Variants in TMEM132D observed in about 807,000 individuals in gnomAD.
TMEM132D encodes transmembrane protein 132D, also known as mature OL transmembrane protein.
TMEM132D carries 21 observed loss-of-function variants against 62.3 expected under a neutral mutation model. The ratio of observed to expected loss-of-function variants is 0.34; its 90% confidence interval spans 0.24 to 0.49. TMEM132D has a LOEUF of 0.49. Ranked by LOEUF, TMEM132D falls within the 20% of genes least tolerant of loss-of-function variation. The pLI, the probability that TMEM132D is intolerant of heterozygous loss-of-function variation, is 0.99. For synonymous variants in TMEM132D, 621 were observed against 575.6 expected (o/e 1.08, Z -1.13); for missense variants, 1,346 against 1,402.8 (o/e 0.96, Z 0.65).
At chr12:129,834,242 T>C (rs1872933366) in intron 1 of TMEM132D, among the ~76,000 whole-genome samples, 1 of 152,018 alleles carries the variant, frequency 6.6e-6, no homozygotes, top group African/African-American at 2.4e-5. Flanking sequence ...CTCCTCCAAG[T>C]ATGCACTTAC....
At chr12:129,744,582 G>A (rs148494156) in intron 1 of TMEM132D, among the ~76,000 whole-genome samples, 253 of 152,230 alleles carry the variant, frequency 1.7e-3, no homozygotes, top group African/African-American at 5.8e-3. Context: ...TACAGGGCTG[G>A]GACTAGGGTG....
intron 3 of TMEM132D, among the ~76,000 whole-genome samples, chr12:129,451,157 C>T (rs996322184): frequency 2.7e-5 from 4 of 150,450 alleles, no homozygotes; most frequent in Non-Finnish European, 5.9e-5. Flanking sequence ...GTGCTGCCCT[C>T]TCAGAAATGC....
At chr12:129,881,249 T>C (rs1347519796) in intron 1 of TMEM132D, among the ~76,000 whole-genome samples, 4 of 151,948 alleles carry the variant, frequency 2.6e-5, no homozygotes, top group African/African-American at 9.7e-5. Flanking sequence ...AAAAAATCCA[T>C]AACTATTAGA....
At chr12:129,188,581 C>T (rs1253193762) in intron 5 of TMEM132D, among the ~76,000 whole-genome samples, 1 of 152,152 alleles carries the variant, frequency 6.6e-6, no homozygotes, top group Non-Finnish European at 1.5e-5. Context: ...CAACTAGGGA[C>T]AGTTTTGGTC....
At chr12:129,358,953 A>C (rs1342380312) in intron 3 of TMEM132D, among the ~76,000 whole-genome samples, 3 of 102,284 alleles carry the variant, frequency 2.9e-5, no homozygotes, top group African/African-American at 1.2e-4. Flanking sequence ...AAGAAATTTC[A>C]AGCTTTTTTT....
chr12:129,642,985 C>T (rs1879678864), intron 2 of TMEM132D, among the ~76,000 whole-genome samples: 1 of 136,312 alleles, frequency 7.3e-6, no homozygotes, highest in Non-Finnish European at 1.5e-5. Flanking sequence ...AGAGCAATGG[C>T]ACAATCTCGG....
rs2137227174 is a variant in TMEM132D at position 129,700,410 on chromosome 12, A to T, written c.368T>A (p.Phe123Tyr). The T allele has an allele frequency of 6.2e-7, 1 of 1,614,098 alleles. No individual in the cohort carries two copies. Among genetic ancestry groups the T allele is most frequent in the East Asian group, 2.2e-5 (1 of 44,872 alleles). The change falls in exon 2 of 9, where the codon TTT becomes TAT. Residue 123 changes from phenylalanine to tyrosine, a missense_variant. Phe to Tyr is a conservative substitution (Grantham distance 22). Coordinates refer to ENST00000422113, the MANE Select transcript of TMEM132D (RefSeq NM_133448.3). ...GGCTTTTAGTTTCCAGTTAAGAGAAAATTTGTTGGTGAATCCAAATGGGTT... is the reference window on the plus strand; with the variant it reads ...GGCTTTTAGTTTCCAGTTAAGAGAATATTTGTTGGTGAATCCAAATGGGTT... ...PSNPFGFTNK[F>Y]SLNWKLKAHI...
intron 2 of TMEM132D, among the ~76,000 whole-genome samples, chr12:129,544,062 T>G (rs1440454444): frequency 6.6e-6 from 1 of 152,232 alleles, no homozygotes; most frequent in Non-Finnish European, 1.5e-5. Flanking sequence ...ACTTGCGAAA[T>G]TGACATTCAG....
chr12:129,519,081 T>A (rs1322416454), intron 3 of TMEM132D, among the ~76,000 whole-genome samples: 2 of 152,310 alleles, frequency 1.3e-5, no homozygotes, highest in South Asian at 4.1e-4. Context: ...CTTTTTCCCT[T>A]TAATTATGTC....
intron 1 of TMEM132D, among the ~76,000 whole-genome samples, chr12:129,819,222 TA>T (rs1287831999): frequency 6.2e-4 from 92 of 148,664 alleles, no homozygotes; most frequent in Admixed American, 1.0e-3. Flanking sequence ...TCATCCCTTC[TA>T]CCTACCCCAC....
chr12:129,196,813 T>G (rs888352045), intron 5 of TMEM132D, among the ~76,000 whole-genome samples: 1 of 152,218 alleles, frequency 6.6e-6, no homozygotes, highest in African/African-American at 2.4e-5. Context: ...GGAATTGATA[T>G]ATACAATCTC....
chr12:129,243,205 T>C (rs538859517), intron 4 of TMEM132D, among the ~76,000 whole-genome samples: 2 of 152,208 alleles, frequency 1.3e-5, no homozygotes, highest in Non-Finnish European at 2.9e-5. Flanking sequence ...AAGTGCTTTA[T>C]CAGATGTAAT....
At chr12:129,725,582 A>G (rs1869003158) in intron 1 of TMEM132D, among the ~76,000 whole-genome samples, 1 of 152,230 alleles carries the variant, frequency 6.6e-6, no homozygotes, top group African/African-American at 2.4e-5. Context: ...TGGGACTTAC[A>G]CTGCAGAGAA....
At chr12:129,703,884 G>A (rs1276689207) in intron 1 of TMEM132D, among the ~76,000 whole-genome samples, 1 of 150,656 alleles carries the variant, frequency 6.6e-6, no homozygotes, top group South Asian at 2.1e-4. Flanking sequence ...TTTCCCCTAT[G>A]TGGACTCAAA....
At chr12:129,665,937 G>GA (rs1476404067) in intron 2 of TMEM132D, among the ~76,000 whole-genome samples, 1 of 152,024 alleles carries the variant, frequency 6.6e-6, no homozygotes, top group Non-Finnish European at 1.5e-5. Context: ...GGGAAGCCCT[G>GA]AGGGACCTTT....
At chr12:129,117,222 T>C (rs1044164698) in intron 5 of TMEM132D, among the ~76,000 whole-genome samples, 4 of 151,024 alleles carry the variant, frequency 2.6e-5, no homozygotes, top group African/African-American at 9.8e-5. Flanking sequence ...CTGGAAGAGG[T>C]AAAACTATAG....
chr12:129,241,546 C>T (rs1879937722), intron 4 of TMEM132D, among the ~76,000 whole-genome samples: 1 of 152,162 alleles, frequency 6.6e-6, no homozygotes, highest in African/African-American at 2.4e-5. Context: ...CCCCTGTTAT[C>T]CTGGTTCCCT....
intron 3 of TMEM132D, among the ~76,000 whole-genome samples, chr12:129,388,613 C>T (rs1159728307): frequency 1.6e-5 from 2 of 123,370 alleles, no homozygotes; most frequent in South Asian, 2.5e-4. Flanking sequence ...CAACACCAAT[C>T]CAGCACTGAT....
chr12:129,166,273 G>A (rs77257421), intron 5 of TMEM132D, among the ~76,000 whole-genome samples: 2 of 84,750 alleles, frequency 2.4e-5, no homozygotes, highest in Admixed American at 1.3e-4. Flanking sequence ...CAATGGGGAT[G>A]GGGGACTGTG....
Sources: gnomAD v4.1 joint callset for allele counts (sites outside exome capture counted in the v4.1 genomes callset) on GRCh38, gnomAD v4.1.1 for gene constraint, MANE v1.5 for transcripts, NCBI Gene and HGNC (gene_info 2026-07-23, HGNC 2026-07-21) for gene names.